Variants in FGF1 observed in about 807,000 individuals in gnomAD.
FGF1 encodes beta-endothelial cell growth factor.
In FGF1, 9 loss-of-function variants were observed where a neutral mutation model predicts 13.4. The observed-to-expected ratio is 0.67, with a 90% CI of 0.40 to 1.17. The LOEUF (loss-of-function observed/expected upper bound fraction) is 1.17, where lower values mean the gene tolerates loss of function less well. Among genes scored for constraint, FGF1 ranks in the 50% most tolerant of loss-of-function variants. The probability of loss-of-function intolerance (pLI) is 0.01; values close to 1 mark genes in which losing one functional copy is unlikely to be tolerated. For synonymous variants in FGF1, 93 were observed against 79.0 expected (o/e 1.18, Z -0.94); for missense variants, 156 against 192.7 (o/e 0.81, Z 1.13).
intron 2 of FGF1, among the ~76,000 whole-genome samples, chr5:142,696,759 A>C (rs1248069848): frequency 6.6e-6 from 1 of 152,214 alleles, no homozygotes; most frequent in Non-Finnish European, 1.5e-5. Context: ...AATCTCTTCA[A>C]ACTGGGTTTC....
intron 1 of FGF1, among the ~76,000 whole-genome samples, chr5:142,640,918 C>T (rs1765102322): frequency 6.6e-6 from 1 of 152,014 alleles, no homozygotes; most frequent in Non-Finnish European, 1.5e-5. Context: ...CCTTCCCCCA[C>T]AGACATAGAC....
chr5:142,628,289 T>A (rs549139338), intron 1 of FGF1, among the ~76,000 whole-genome samples: 57 of 152,260 alleles, frequency 3.7e-4, no homozygotes, highest in Non-Finnish European at 7.1e-4. Context: ...GGCAGGCAGA[T>A]CACGAGGTTG....
chr5:142,608,740 ATATATATAG>A lies in FGF1; in HGVS notation c.169+5210_169+5218del, dbSNP rs199509156. Among the ~76,000 whole-genome samples, 393 of 146,088 alleles carry A rather than the reference ATATATATAG, an allele frequency of 2.7e-3. 17 individuals are homozygous for A. The East Asian group carries it at 0.069, about 26-fold the overall frequency. ...ATATACACACACACATATATATCATATATATATAGTATATATACACATATATATCATATA... is the reference window on the plus strand; with the variant it reads ...ATATACACACACACATATATATCATATATATATACACATATATATCATATA... On this transcript the variant is annotated intron_variant, in intron 2 of 3. Coordinates refer to ENST00000337706, the MANE Select transcript of FGF1 (RefSeq NM_000800.5).
chr5:142,681,622 A>C (rs558504004), intron 1 of FGF1, among the ~76,000 whole-genome samples: 88 of 152,236 alleles, frequency 5.8e-4, no homozygotes, highest in Non-Finnish European at 1.0e-3. Flanking sequence ...TCTGGTGCTG[A>C]ATTCCTATCA....
chr5:142,622,804 G>C (rs1419181719), intron 1 of FGF1, among the ~76,000 whole-genome samples: 1 of 152,174 alleles, frequency 6.6e-6, no homozygotes, highest in Non-Finnish European at 1.5e-5. Flanking sequence ...GTCTGTACTG[G>C]GTCTGAGGTA....
chr5:142,681,491 C>A (rs1012354642), intron 1 of FGF1, among the ~76,000 whole-genome samples: 4 of 152,266 alleles, frequency 2.6e-5, no homozygotes, highest in African/African-American at 9.6e-5. Context: ...CCCCAAAGAC[C>A]CAATCCCAGA....
rs1434425780 is a variant in FGF1 at position 142,608,546 on chromosome 5, A to ATC, written c.169+5412_169+5413insGA. 9.1e-3 allele frequency among the ~76,000 whole-genome samples: 285 copies of ATC among 31,470 alleles called. 2 individuals carry two copies. Among genetic ancestry groups the ATC allele is most frequent in the Middle Eastern group, 0.029 (2 of 68 alleles). 20.6% of individuals were successfully genotyped at this position (31,470 alleles called of 152,430 possible). Reference sequence around the variant, plus strand: ...TATATAAATATATATACACATCTATATATATATATATATATATATATATAT... The same window carrying ATC: ...TATATAAATATATATACACATCTATATCTATATATATATATATATATATATAT... On this transcript the variant is annotated intron_variant, in intron 2 of 3. Transcript: ENST00000337706.
chr5:142,646,659 T>A (rs1597307449), intron 1 of FGF1, among the ~76,000 whole-genome samples: 1 of 151,378 alleles, frequency 6.6e-6, no homozygotes, highest in African/African-American at 2.4e-5. Flanking sequence ...CCCCGGCTAA[T>A]TTTTTATAGT....
intron 3 of FGF1, among the ~76,000 whole-genome samples, chr5:142,599,860 C>T (rs1756108417): frequency 6.6e-6 from 1 of 152,224 alleles, no homozygotes; most frequent in African/African-American, 2.4e-5. Context: ...TTCATCCTCA[C>T]ACCCTTTCAG....
At chr5:142,601,398 G>A (rs894342008) in intron 2 of FGF1, among the ~76,000 whole-genome samples, 3 of 152,218 alleles carry the variant, frequency 2.0e-5, no homozygotes, top group Middle Eastern at 3.4e-3. Flanking sequence ...TATGAAACTC[G>A]GGGAACTCCC....
At chr5:142,679,769 A>T (rs571056635) in intron 1 of FGF1, among the ~76,000 whole-genome samples, 1 of 152,170 alleles carries the variant, frequency 6.6e-6, no homozygotes, top group South Asian at 2.1e-4. Flanking sequence ...CCTTTGCAGC[A>T]TGTGTAGGCC....
At chr5:142,602,467 G>A (rs543961971) in intron 2 of FGF1, among the ~76,000 whole-genome samples, 3 of 152,180 alleles carry the variant, frequency 2.0e-5, no homozygotes, top group East Asian at 3.9e-4. Flanking sequence ...GAGCCACTGC[G>A]CCTGGCCTGT....
rs73277606 is a variant in FGF1, at chr5:142,595,782, T to C, written c.274-298A>G. ...CTACTGATAAGAGCACTTCTAAGAG[T>C]CCTCAGGACTCTAGAATCTCCCACT... On this transcript the variant is annotated intron_variant, in intron 3 of 3. Coordinates refer to ENST00000337706, the MANE Select transcript of FGF1 (RefSeq NM_000800.5). Among the ~76,000 whole-genome samples, 134 of 152,282 alleles carry C rather than the reference T, an allele frequency of 8.8e-4. 1 individual carries two copies. The highest frequency in any genetic ancestry group is 3.1e-3 in the African/African-American group (130 of 41,544).
Position 142,592,652 on chromosome 5 carries a change from G to A in FGF1, c.*2638C>T, listed in dbSNP as rs759014367. 7.7e-6 allele frequency: 3 copies of A among 390,886 alleles called. No individual in the cohort carries two copies. The highest frequency in any genetic ancestry group is 1.4e-5 in the Non-Finnish European group (3 of 221,604). 24.2% of individuals were successfully genotyped at this position (390,886 alleles called of 1,614,324 possible). A position where few individuals can be genotyped will look rare whatever the true frequency, so the allele number is the denominator to read the frequency against. On this transcript the variant is annotated 3_prime_UTR_variant, in exon 4 of 4. Coordinates refer to ENST00000337706, the MANE Select transcript of FGF1 (RefSeq NM_000800.5). ...CTAGAGCATGTTCAAAACAGAGCAG[G>A]GAACTACCAACCTCTTCCTTCTAAG...
At chr5:142,631,779 C>CTTTTTTTTTTTTTTTTTTTTTTTTTTTT (rs34929420) in intron 1 of FGF1, among the ~76,000 whole-genome samples, 1 of 92,922 alleles carries the variant, frequency 1.1e-5, no homozygotes, top group African/African-American at 4.3e-5. Context: ...TTTAAATTAG[C>CTTTTTTTTTTTTTTTTTTTTTTTTTTTT]TTTTTTTTTT....
chr5:142,640,139 G>A (rs1305017250), intron 1 of FGF1, among the ~76,000 whole-genome samples: 1 of 151,944 alleles, frequency 6.6e-6, no homozygotes, highest in African/African-American at 2.4e-5. Flanking sequence ...AAACCAGAGA[G>A]AGGAAGAAAC....
chr5:142,677,271 C>T (rs1157810590), intron 1 of FGF1, among the ~76,000 whole-genome samples: 4 of 152,190 alleles, frequency 2.6e-5, no homozygotes, highest in Non-Finnish European at 1.5e-5. Context: ...TTCCACTATT[C>T]CCATCAGACT....
chr5:142,637,864 G>A (rs561372020), intron 1 of FGF1, among the ~76,000 whole-genome samples: 3 of 152,168 alleles, frequency 2.0e-5, no homozygotes, highest in Admixed American at 6.5e-5. Flanking sequence ...AGGTTTAAGG[G>A]CAGGACAGAG....
intron 1 of FGF1, among the ~76,000 whole-genome samples, chr5:142,632,899 T>C (rs1763583931): frequency 6.6e-6 from 1 of 151,170 alleles, no homozygotes; most frequent in South Asian, 2.1e-4. Context: ...TAACCTTTTA[T>C]TGTTGGACAT....
Sources: gnomAD v4.1 joint callset for allele counts (sites outside exome capture counted in the v4.1 genomes callset) on GRCh38, gnomAD v4.1.1 for gene constraint, MANE v1.5 for transcripts, NCBI Gene and HGNC (gene_info 2026-07-23, HGNC 2026-07-21) for gene names.